DNAH11: variants seen among roughly 807,000 people sequenced by gnomAD.
DNAH11 encodes dynein axonemal heavy chain 11.
DNAH11 carries 442 observed loss-of-function variants against 526.0 expected under a neutral mutation model. The ratio of observed to expected loss-of-function variants is 0.84; its 90% CI spans 0.78 to 0.91. The LOEUF (loss-of-function observed/expected upper bound fraction) is 0.91, where lower values mean the gene tolerates loss of function less well. Among genes scored for constraint, DNAH11 ranks in the 40% least tolerant of loss-of-function variants. The pLI, the probability that DNAH11 is intolerant of heterozygous loss-of-function variation, is 0.00. For missense variants in DNAH11, 6,989 were observed against 5,448.7 expected, an observed-to-expected ratio of 1.28 and a Z score of -8.90; for synonymous variants, 2,461 against 1,935.9, an observed-to-expected ratio of 1.27 and a Z score of -7.12.
chr7:21,864,435 T>C, intron 69 of DNAH11, 100 bp from the exon 70 acceptor site: 1 of 1,202,184 alleles, frequency 8.3e-7, no homozygotes, highest in Non-Finnish European at 1.2e-6. Flanking sequence ...GCAGGTATGG[T>C]TCTGCCTACT....
intron 40 of DNAH11, among the ~76,000 whole-genome samples, chr7:21,708,381 A>G (rs1409663188): frequency 6.6e-5 from 10 of 152,172 alleles, no homozygotes; most frequent in Non-Finnish European, 1.3e-4. Context: ...TTTAAAATGT[A>G]TGTGAATTCC....
Position 21,543,048 on chromosome 7 carries a change from C to T in DNAH11, c.-198C>T, listed in dbSNP as rs1782646282. 6.6e-6 allele frequency among the ~76,000 whole-genome samples: 1 copy of T among 152,222 alleles called. No individual in the cohort carries two copies. The highest frequency in any genetic ancestry group is 2.4e-5 in the African/African-American group (1 of 41,470). ...ACGGGACGCGCTGCTTGTCCCAGGCCTTCGCTTCGGCCTGCGAGGCTACAG... is the reference window on the plus strand; with the variant it reads ...ACGGGACGCGCTGCTTGTCCCAGGCTTTCGCTTCGGCCTGCGAGGCTACAG... On this transcript the variant is annotated 5_prime_UTR_variant, in exon 1 of 82. Coordinates refer to ENST00000409508, the MANE Select transcript of DNAH11 (RefSeq NM_001277115.2).
chr7:21,786,671 T>C lies in DNAH11; in HGVS notation c.9645T>C (p.Val3215=). 6.2e-7 allele frequency: 1 copy of C among 1,613,594 alleles called. No homozygotes were observed. ...LKAFPNPPIA[V]TNVTAAVMVL... Reference sequence around the variant, plus strand: ...CCTTTCCCAACCCTCCCATCGCAGTTACCAATGTTACTGCAGCCGTGATGG... The same window carrying C: ...CCTTTCCCAACCCTCCCATCGCAGTCACCAATGTTACTGCAGCCGTGATGG... Residue 3215 remains valine, a synonymous_variant, in exon 59 of 82, where the codon GTT becomes GTC. Transcript: ENST00000409508.
Position 21,600,685 on chromosome 7 carries a change from G to C in DNAH11, c.3010G>C (p.Asp1004His). ...LEIKNYQNDM[D>H]NMLGLAEVRQ... ...TTTTCCTCTCATTTAGAATGATATG[G>C]ATAACATGTTAGGCCTGGCAGAGGT... The change falls in exon 16 of 82, where the codon GAT becomes CAT. Residue 1004 changes from aspartate (D) to histidine (H), a missense_variant. Transcript: ENST00000409508. 6.2e-7 allele frequency: 1 copy of C among 1,609,514 alleles called. No homozygotes were observed. Among genetic ancestry groups the C allele is most frequent in the African/African-American group, 1.3e-5 (1 of 74,902 alleles).
chr7:21,551,943 T>C (rs1783039861), intron 2 of DNAH11, among the ~76,000 whole-genome samples: 1 of 152,194 alleles, frequency 6.6e-6, no homozygotes. Context: ...TGACTTAATA[T>C]ATTCCTGACC....
intron 54 of DNAH11, among the ~76,000 whole-genome samples, chr7:21,755,000 G>C (rs1786567452): frequency 6.6e-6 from 1 of 152,278 alleles, no homozygotes. Context: ...TATCTCCTTT[G>C]CATAAGTTCC....
intron 79 of DNAH11, among the ~76,000 whole-genome samples, chr7:21,898,756 G>A (rs1028978692): frequency 2.0e-5 from 3 of 152,178 alleles, no homozygotes; most frequent in South Asian, 2.1e-4. Flanking sequence ...TAACAGCAGC[G>A]TTTCTCAACC....
intron 8 of DNAH11, among the ~76,000 whole-genome samples, chr7:21,574,794 G>A (rs143508659): frequency 0.027 from 3,933 of 147,546 alleles, 196 homozygotes; most frequent in African/African-American, 0.092. Context: ...TCAAACTCCC[G>A]ACCTCAGATG....
At chr7:21,585,895 G>C (rs1195902152) in intron 9 of DNAH11, among the ~76,000 whole-genome samples, 1 of 152,122 alleles carries the variant, frequency 6.6e-6, no homozygotes, top group Admixed American at 6.5e-5. Context: ...AGCATGTGGT[G>C]GGAATTACTC....
chr7:21,785,677 C>T (rs1788141726), intron 58 of DNAH11, among the ~76,000 whole-genome samples: 2 of 141,134 alleles, frequency 1.4e-5, no homozygotes, highest in South Asian at 4.5e-4. Flanking sequence ...AATAGCTCCA[C>T]TTAAAATATG....
chr7:21,864,707 A>G, intron 70 of DNAH11, 50 bp downstream of exon 70: 1 of 1,511,276 alleles, frequency 6.6e-7, no homozygotes, highest in Non-Finnish European at 8.9e-7. Context: ...TTAAAATATT[A>G]GCTCTCTCCA....
In DNAH11 at chr7:21,738,789, G is replaced by A; in HGVS notation, c.7734G>A (p.Met2578Ile). The change falls in exon 47 of 82, where the codon ATG (methionine) becomes ATA (isoleucine). Residue 2578 changes from methionine (M) to isoleucine (I), a missense_variant. By Grantham distance (10) the Met-to-Ile change is conservative. Coordinates refer to ENST00000409508, the MANE Select transcript of DNAH11 (RefSeq NM_001277115.2). ...NKKLIYFIDD[M>I]NMPEVDLYGT... ...AATTGATTTATTTTATCGACGACAT[G>A]AACATGCCTGAAGTGGACTTATATG... is the stretch of plus-strand genomic sequence containing the variant. 6.2e-7 allele frequency: 1 copy of A among 1,600,262 alleles called. No homozygotes were observed. Among genetic ancestry groups the A allele is most frequent in the Non-Finnish European group, 8.5e-7 (1 of 1,172,950 alleles).
chr7:21,588,494 C>G lies in DNAH11; in HGVS notation c.1849-18C>G. 6.2e-7 allele frequency: 1 copy of G among 1,611,850 alleles called. No homozygotes were observed. Among genetic ancestry groups the G allele is most frequent in the Non-Finnish European group, 8.5e-7 (1 of 1,178,630 alleles). On this transcript the variant is annotated intron_variant, in intron 10 of 81. Coordinates refer to ENST00000409508, the MANE Select transcript of DNAH11 (RefSeq NM_001277115.2). ...AAATGTTCCCTTTCTTCCTCTTCAC[C>G]AAAATATCAACTTGCAGATTGAATG...
chr7:21,795,247 G>T (rs76431499), intron 61 of DNAH11, among the ~76,000 whole-genome samples: 1 of 152,180 alleles, frequency 6.6e-6, no homozygotes, highest in Non-Finnish European at 1.5e-5. Flanking sequence ...TGGCTGCTAG[G>T]TTTGGTGTGC....
At chr7:21,745,194 T>G in intron 51 of DNAH11, 131 bp downstream of exon 51, 1 of 953,578 alleles carries the variant, frequency 1.0e-6, no homozygotes. Flanking sequence ...CATATAATTT[T>G]AAAATATAAA....
chr7:21,571,584 G>A (rs1472906876), intron 7 of DNAH11, among the ~76,000 whole-genome samples: 1 of 152,092 alleles, frequency 6.6e-6, no homozygotes, highest in Non-Finnish European at 1.5e-5. Context: ...TGGCCAGTGA[G>A]AGTTAATTTT....
At position 21,619,183 on chromosome 7, in the gene DNAH11, G is replaced by T; in HGVS notation, c.4338G>T (p.Arg1446Ser). The T allele has an allele frequency of 6.2e-7, 1 of 1,613,502 alleles. No individual in the cohort carries two copies. The highest frequency in any genetic ancestry group is 1.7e-4 in the Middle Eastern group (1 of 6,060). The change falls in exon 24 of 82, where the codon AGG becomes AGT. Residue 1446 changes from arginine to serine, a missense_variant. Coordinates refer to ENST00000409508, the MANE Select transcript of DNAH11 (RefSeq NM_001277115.2). ...ACAGAGTGGAAGATGATGTCCGAAGGATTGTGGACAAGGCGGTGAAAGAGC... is the reference window on the plus strand; with the variant it reads ...ACAGAGTGGAAGATGATGTCCGAAGTATTGTGGACAAGGCGGTGAAAGAGC... Reference protein sequence around the residue: ...RLHRVEDDVRRIVDKAVKELG... With the variant: ...RLHRVEDDVRSIVDKAVKELG...
chr7:21,658,579 G>A (rs1015927311), intron 29 of DNAH11, among the ~76,000 whole-genome samples: 1 of 152,070 alleles, frequency 6.6e-6, no homozygotes, highest in Non-Finnish European at 1.5e-5. Flanking sequence ...AGTCAGATGA[G>A]CATTATTCCT....
At chr7:21,605,045 A>T (rs537329922) in intron 18 of DNAH11, among the ~76,000 whole-genome samples, 23 of 152,324 alleles carry the variant, frequency 1.5e-4, no homozygotes, top group Non-Finnish European at 2.5e-4. Flanking sequence ...GATAGTTAGC[A>T]CATTCTGTTG....
Sources: allele counts gnomAD v4.1 joint callset (sites outside exome capture counted in the v4.1 genomes callset), GRCh38; gene constraint gnomAD v4.1.1; transcripts MANE v1.5; gene names NCBI Gene and HGNC (gene_info 2026-07-23, HGNC 2026-07-21).